Variants in BBS7 observed in about 807,000 individuals in gnomAD.
BBS7 encodes the protein Bardet-Biedl syndrome 7.
Under a neutral mutation model 90.3 loss-of-function variants are expected in BBS7, and 50 were observed. The observed-to-expected ratio is 0.55, with a 90% CI of 0.44 to 0.70. The LOEUF (loss-of-function observed/expected upper bound fraction) is 0.70. Ranked by LOEUF, BBS7 falls within the 30% of genes least tolerant of loss-of-function variation. BBS7 has a pLI of 0.00. For synonymous variants in BBS7, 235 were observed against 287.4 expected (o/e 0.82, Z 1.85); for missense variants, 729 against 838.9 (o/e 0.87, Z 1.62).
intron 2 of BBS7, among the ~76,000 whole-genome samples, chr4:121,865,629 G>A (rs1727228152): frequency 6.6e-6 from 1 of 152,082 alleles, no homozygotes; most frequent in Non-Finnish European, 1.5e-5. Context: ...AAACACCCAG[G>A]CTGATTCCAT....
At chr4:121,859,247 A>G in intron 4 of BBS7, 69 bp from the exon 5 acceptor site, 2 of 1,311,544 alleles carry the variant, frequency 1.5e-6, no homozygotes, top group Non-Finnish European at 2.2e-6. Flanking sequence ...AGATAAAAAC[A>G]GAAAAATGTA....
Position 121,833,168 on chromosome 4 carries a change from G to A in BBS7, c.1676+63C>T, listed in dbSNP as rs114900933. 12,067 of 1,525,046 alleles carry A rather than the reference G, an allele frequency of 7.9e-3. 69 individuals carry two copies. Among genetic ancestry groups the A allele is most frequent in the Non-Finnish European group, 9.4e-3 (10,394 of 1,101,940 alleles). The allele number at this position is 1,525,046 out of a possible 1,614,324, so 94.5% of individuals were successfully genotyped here. On this transcript the variant is annotated intron_variant, in intron 15 of 18. Transcript: ENST00000264499. ...CTCACAAATAACTCCTAACTTAAAG[G>A]AAAACTTAGAAGCTACATTTATATA...
chr4:121,848,342 C>T (rs1320698716), intron 9 of BBS7, among the ~76,000 whole-genome samples: 2 of 152,064 alleles, frequency 1.3e-5, no homozygotes, highest in African/African-American at 4.8e-5. Flanking sequence ...AATCTCATGC[C>T]ATCCTGCTCC....
In BBS7 at chr4:121,825,627, C is replaced by T; in HGVS notation, c.*233G>A. ...CACTTGCCAAAAATTCATTAAAATCCTATTTAAATCATTCTACTTGTGTTT... is the reference window on the plus strand; with the variant it reads ...CACTTGCCAAAAATTCATTAAAATCTTATTTAAATCATTCTACTTGTGTTT... On this transcript the variant is annotated 3_prime_UTR_variant, in exon 19 of 19. Coordinates refer to ENST00000264499, the MANE Select transcript of BBS7 (RefSeq NM_176824.3). 7.8e-6 allele frequency: 3 copies of T among 385,404 alleles called. No homozygotes were observed. The highest frequency in any genetic ancestry group is 5.1e-5 in the South Asian group (1 of 19,740). The allele number at this position is 385,404 out of a possible 1,614,324, so 23.9% of individuals were successfully genotyped here.
intron 4 of BBS7, among the ~76,000 whole-genome samples, chr4:121,861,129 T>C (rs1417548832): frequency 6.6e-6 from 1 of 152,140 alleles, no homozygotes; most frequent in East Asian, 1.9e-4. Context: ...TTATACCCTA[T>C]TGGTAATCAC....
chr4:121,839,827 T>C (rs1725646336), intron 12 of BBS7, 131 bp from the exon 13 acceptor site: 4 of 753,616 alleles, frequency 5.3e-6, no homozygotes, highest in Non-Finnish European at 9.0e-6. Context: ...TTCAAACATG[T>C]TCTAACTTAC....
intron 1 of BBS7, among the ~76,000 whole-genome samples, chr4:121,870,014 C>T (rs892517868): frequency 2.0e-5 from 3 of 152,208 alleles, no homozygotes; most frequent in Non-Finnish European, 2.9e-5. Flanking sequence ...CGGGATGAGA[C>T]AGTGTCACAT....
chr4:121,825,517 G>GT lies in BBS7; in HGVS notation c.*342dup. ...TTGAAGCCTATAAAGCGGTCTACATGTTTATGTGTTTATGTACCTTGTAAT... is the reference window on the plus strand; with the variant it reads ...TTGAAGCCTATAAAGCGGTCTACATGTTTTATGTGTTTATGTACCTTGTAAT... On this transcript the variant is annotated 3_prime_UTR_variant, in exon 19 of 19. Coordinates refer to ENST00000264499, the MANE Select transcript of BBS7 (RefSeq NM_176824.3). 5.4e-6 allele frequency: 1 copy of GT among 185,676 alleles called. No individual in the cohort carries two copies. The highest frequency in any genetic ancestry group is 1.2e-4 in the South Asian group (1 of 8,302). 11.5% of individuals were successfully genotyped at this position (185,676 alleles called of 1,614,324 possible).
At chr4:121,844,080 TCTC>T in intron 11 of BBS7, 79 bp from the exon 12 acceptor site, 2 of 850,912 alleles carry the variant, frequency 2.4e-6, no homozygotes, top group East Asian at 5.4e-5. Context: ...CTCTAAGAGT[TCTC>T]CTTAGTTCTA....
At chr4:121,828,801 TAGTACTTAG>T in intron 15 of BBS7, 73 bp from the exon 16 acceptor site, 1 of 895,950 alleles carries the variant, frequency 1.1e-6, no homozygotes, top group South Asian at 1.7e-5. Context: ...ATTTTATGAT[TAGTACTTAG>T]AGTATAGATT....
chr4:121,853,421 C>T (rs577355259), intron 7 of BBS7, among the ~76,000 whole-genome samples: 2 of 152,086 alleles, frequency 1.3e-5, no homozygotes, highest in South Asian at 2.1e-4. Context: ...CTTTACCATA[C>T]CCCCTCAATA....
At chr4:121,842,205 A>G (rs1725772150) in intron 12 of BBS7, among the ~76,000 whole-genome samples, 2 of 143,410 alleles carry the variant, frequency 1.4e-5, no homozygotes, top group South Asian at 4.6e-4. Context: ...GTGAGCTGAG[A>G]TTGTGCCACT....
Position 121,846,652 on chromosome 4 carries a change from T to A in BBS7, c.1037+752A>T, listed in dbSNP as rs369890233. On this transcript the variant is annotated intron_variant, in intron 10 of 18. Coordinates refer to ENST00000264499, the MANE Select transcript of BBS7 (RefSeq NM_176824.3). ...GTTGCATGAAGTAGGATATCCTGAA[T>A]GAATCTGGTATACTTGTTTGCATGA... Among the ~76,000 whole-genome samples the A allele has an allele frequency of 2.4e-4, 36 of 152,324 alleles. 1 individual carries two copies. Among genetic ancestry groups the A allele is most frequent in the South Asian group, 2.3e-3 (11 of 4,826 alleles).
chr4:121,840,938 A>G (rs1725708412), intron 12 of BBS7, among the ~76,000 whole-genome samples: 1 of 151,846 alleles, frequency 6.6e-6, no homozygotes, highest in Admixed American at 6.6e-5. Context: ...CCTGGGCTCA[A>G]CTGACTCTCA....
intron 15 of BBS7, among the ~76,000 whole-genome samples, chr4:121,832,379 CCT>C (rs1320021342): frequency 6.6e-6 from 1 of 151,910 alleles, no homozygotes; most frequent in Non-Finnish European, 1.5e-5. Flanking sequence ...CAAAAAACAA[CCT>C]ACAGATGTGA....
In BBS7 at chr4:121,848,790, T is replaced by C. The variant is rs1218579335; in HGVS notation, c.934+54A>G. 40 of 1,440,902 alleles carry C rather than the reference T, an allele frequency of 2.8e-5. No individual in the cohort carries two copies. In the East Asian group the frequency reaches 9.1e-4, roughly 33 times the overall value. The allele number at this position is 1,440,902 out of a possible 1,614,324, so 89.3% of individuals were successfully genotyped here. On this transcript the variant is annotated intron_variant, in intron 9 of 18. Coordinates refer to ENST00000264499, the MANE Select transcript of BBS7 (RefSeq NM_176824.3). The stretch of plus-strand genomic sequence containing the variant: ...GTCATCAAAAGCAGTTTATTAAATT[T>C]AATTTTTTTTGTTGTTGACTCTTTC...
chr4:121,828,235 A>G lies in BBS7; in HGVS notation c.1925T>C (p.Leu642Pro), dbSNP rs1173638115. The change falls in exon 18 of 19, where the codon CTG becomes CCG. Residue 642 changes from leucine (L) to proline (P), a missense_variant. Transcript: ENST00000264499. Reference sequence around the variant, plus strand: ...TAGAATACAGTGATATTCTGGTATCAGAAAGTTCGTATTTCCCTCATGAAT... The same window carrying G: ...TAGAATACAGTGATATTCTGGTATCGGAAAGTTCGTATTTCCCTCATGAAT... ...LQIHEGNTNF[L>P]IPEYHCILEE... The G allele has an allele frequency of 6.2e-7, 1 of 1,613,858 alleles. No individual in the cohort carries two copies. The highest frequency in any genetic ancestry group is 2.2e-5 in the East Asian group (1 of 44,816).
chr4:121,854,895 G>T, intron 6 of BBS7, 75 bp from the exon 7 acceptor site: 1 of 1,377,232 alleles, frequency 7.3e-7, no homozygotes, highest in Non-Finnish European at 1.0e-6. Context: ...ATGTTGTTAT[G>T]TAAAAATATC....
Position 121,844,013 on chromosome 4 carries a change from ATT to A in BBS7, c.1231-14_1231-13del. 6.5e-7 allele frequency: 1 copy of A among 1,539,254 alleles called. No individual in the cohort carries two copies. The highest frequency in any genetic ancestry group is 8.9e-7 in the Non-Finnish European group (1 of 1,124,440). On this transcript the variant is annotated splice_polypyrimidine_tract_variant and intron_variant, in intron 11 of 18. Coordinates refer to ENST00000264499, the MANE Select transcript of BBS7 (RefSeq NM_176824.3). Reference sequence around the variant, plus strand: ...ATTGGAACATCACTCTATAGTCAATATTAAAAAAAAAGAAGGTTGAGATGGAA... The same window carrying A: ...ATTGGAACATCACTCTATAGTCAATAAAAAAAAAAGAAGGTTGAGATGGAA...
Sources: allele counts gnomAD v4.1 joint callset (sites outside exome capture counted in the v4.1 genomes callset), GRCh38; gene constraint gnomAD v4.1.1; transcripts MANE v1.5; gene names NCBI Gene and HGNC (gene_info 2026-07-23, HGNC 2026-07-21).